Variants in LRP1B observed in about 807,000 individuals in gnomAD.
The protein encoded by LRP1B is LDL receptor related protein 1B, also known as low-density lipoprotein receptor-related protein 1B.
LRP1B carries 217 observed loss-of-function variants against 556.6 expected under a neutral mutation model. The ratio of observed to expected loss-of-function variants is 0.39; its 90% CI spans 0.35 to 0.44. The LOEUF (loss-of-function observed/expected upper bound fraction) is 0.44. Ranked by LOEUF, LRP1B falls within the 20% of genes least tolerant of loss-of-function variation. The pLI is 1.00. For synonymous variants in LRP1B, 2,047 were observed against 1,865.8 expected (o/e 1.10, Z -2.50); for missense variants, 5,053 against 5,620.8 (o/e 0.90, Z 3.23).
intron 2 of LRP1B, among the ~76,000 whole-genome samples, chr2:141,804,726 A>T (rs1696115873): frequency 6.6e-6 from 1 of 152,024 alleles, no homozygotes; most frequent in African/African-American, 2.4e-5. Context: ...TGGGGTATAG[A>T]GTGGAGAAGG....
intron 66 of LRP1B, among the ~76,000 whole-genome samples, chr2:140,441,235 A>T (rs566854154): frequency 5.3e-5 from 8 of 152,280 alleles, no homozygotes; most frequent in African/African-American, 1.9e-4. Context: ...ATAACACTCC[A>T]GTCCAGAAAT....
intron 7 of LRP1B, among the ~76,000 whole-genome samples, chr2:141,131,492 A>T (rs1430751987): frequency 6.8e-6 from 1 of 146,456 alleles, no homozygotes; most frequent in Non-Finnish European, 1.5e-5. Flanking sequence ...TTTCAATTTG[A>T]ATTGAAAATG....
chr2:141,982,949 G>A (rs1465017831), intron 1 of LRP1B, among the ~76,000 whole-genome samples: 2 of 152,142 alleles, frequency 1.3e-5, no homozygotes, highest in Non-Finnish European at 2.9e-5. Context: ...TATGTTCAGA[G>A]AGCTGATGTT....
At chr2:141,545,439 T>C (rs534160937) in intron 2 of LRP1B, among the ~76,000 whole-genome samples, 1 of 152,318 alleles carries the variant, frequency 6.6e-6, no homozygotes, top group East Asian at 1.9e-4. Context: ...CCTGTGAATA[T>C]GTTACCTTGG....
At chr2:140,920,983 C>T (rs896176199) in intron 21 of LRP1B, among the ~76,000 whole-genome samples, 1 of 151,852 alleles carries the variant, frequency 6.6e-6, no homozygotes, top group African/African-American at 2.4e-5. Context: ...TGATGTTGAA[C>T]CATATTCACA....
At chr2:141,958,367 A>G (rs1186740405) in intron 1 of LRP1B, among the ~76,000 whole-genome samples, 1 of 151,992 alleles carries the variant, frequency 6.6e-6, no homozygotes, top group Non-Finnish European at 1.5e-5. Flanking sequence ...TCAGAAGGCT[A>G]TGAAGTCATT....
chr2:140,461,525 T>A (rs1028512883), intron 60 of LRP1B, among the ~76,000 whole-genome samples: 1 of 152,156 alleles, frequency 6.6e-6, no homozygotes, highest in Non-Finnish European at 1.5e-5. Flanking sequence ...CAGCAATCAC[T>A]GTAATTTATT....
intron 1 of LRP1B, among the ~76,000 whole-genome samples, chr2:141,958,539 T>C (rs1259876438): frequency 6.6e-6 from 1 of 152,036 alleles, no homozygotes; most frequent in African/African-American, 2.4e-5. Context: ...ACATATTGTT[T>C]ATAATTTTTT....
chr2:141,391,399 A>C (rs1690044148), intron 3 of LRP1B, among the ~76,000 whole-genome samples: 1 of 152,202 alleles, frequency 6.6e-6, no homozygotes, highest in Non-Finnish European at 1.5e-5. Context: ...AAGGTAGTGA[A>C]GGACAGTATT....
At chr2:141,068,113 T>A (rs557953984) in intron 7 of LRP1B, among the ~76,000 whole-genome samples, 3 of 151,992 alleles carry the variant, frequency 2.0e-5, no homozygotes, top group Admixed American at 1.3e-4. Flanking sequence ...ACCGCCCATA[T>A]TATTTAACGT....
intron 3 of LRP1B, among the ~76,000 whole-genome samples, chr2:141,459,906 G>C (rs1389106016): frequency 1.3e-5 from 2 of 152,128 alleles, no homozygotes; most frequent in East Asian, 1.9e-4. Flanking sequence ...TTCTTTACTT[G>C]AGTGTCAGGA....
intron 53 of LRP1B, 89 bp downstream of exon 53, chr2:140,506,707 T>C (rs1689430783): frequency 2.2e-6 from 3 of 1,376,806 alleles, no homozygotes; most frequent in East Asian, 2.3e-5. Context: ...AGAAATGTGT[T>C]GCTTGTTGCT....
chr2:140,931,351 C>T (rs1202498903), intron 20 of LRP1B, among the ~76,000 whole-genome samples: 2 of 152,036 alleles, frequency 1.3e-5, no homozygotes, highest in Admixed American at 1.3e-4. Context: ...TTGTGTTTTC[C>T]CTTTAATTTC....
chr2:141,738,485 G>C (rs540560022), intron 2 of LRP1B, among the ~76,000 whole-genome samples: 2 of 152,092 alleles, frequency 1.3e-5, no homozygotes, highest in African/African-American at 4.8e-5. Context: ...GCTTTCTGTT[G>C]AACAGCATGC....
At position 140,850,299 on chromosome 2, in the gene LRP1B, C is replaced by T. The variant is rs148341635; in HGVS notation, c.4742G>A (p.Arg1581His). 1.9e-4 allele frequency: 302 copies of T among 1,604,874 alleles called. 3 individuals carry two copies. In the African/African-American group the frequency reaches 3.1e-3, roughly 17 times the overall value. ...AATATCCACTCCTCTGATTTCAGAACGTCTTGCATAAAGAAGAAATTTTTT... is the reference window on the plus strand; with the variant it reads ...AATATCCACTCCTCTGATTTCAGAATGTCTTGCATAAAGAAGAAATTTTTT... Reference protein sequence around the residue: ...EMKKFLLYARRSEIRGVDIDN... With the variant: ...EMKKFLLYARHSEIRGVDIDN... The change falls in exon 29 of 91, where the codon CGT (arginine) becomes CAT (histidine). Residue 1581 changes from arginine (R) to histidine (H), a missense_variant. Arg to His is a conservative substitution (Grantham distance 29). Transcript: ENST00000389484.
chr2:141,974,340 C>T (rs1701823997), intron 1 of LRP1B, among the ~76,000 whole-genome samples: 1 of 152,126 alleles, frequency 6.6e-6, no homozygotes, highest in South Asian at 2.1e-4. Context: ...GAACGGTTAA[C>T]TCCTCATACT....
At chr2:142,065,492 C>T (rs1705078166) in intron 1 of LRP1B, among the ~76,000 whole-genome samples, 1 of 151,140 alleles carries the variant, frequency 6.6e-6, no homozygotes, top group African/African-American at 2.4e-5. Context: ...CCCCTATCTT[C>T]ACTTTTAAGG....
At chr2:140,705,904 T>G (rs114379960) in intron 37 of LRP1B, among the ~76,000 whole-genome samples, 3,985 of 152,124 alleles carry the variant, frequency 0.026, 70 homozygotes, top group Non-Finnish European at 0.042. Context: ...AGTAAACATT[T>G]TATGTCAAGC....
chr2:141,591,244 T>A (rs187776602), intron 2 of LRP1B, among the ~76,000 whole-genome samples: 3 of 152,220 alleles, frequency 2.0e-5, no homozygotes, highest in East Asian at 3.9e-4. Context: ...ACTCCCCATG[T>A]CCCTAAGAAC....
Sources: gnomAD v4.1 joint callset for allele counts (sites outside exome capture counted in the v4.1 genomes callset) on GRCh38, gnomAD v4.1.1 for gene constraint, MANE v1.5 for transcripts, NCBI Gene and HGNC (gene_info 2026-07-23, HGNC 2026-07-21) for gene names.